Variants in STPG2 observed in about 807,000 individuals in gnomAD.
The protein encoded by STPG2 is sperm tail PG-rich repeat containing 2.
Under a neutral mutation model 54.2 loss-of-function variants are expected in STPG2, and 56 were observed. That is an observed-to-expected ratio of 1.03 (90% CI 0.83 to 1.29). The LOEUF is 1.29. Ranked by LOEUF, STPG2 falls within the 50% of genes most tolerant of loss-of-function variation. The pLI, the probability that STPG2 is intolerant of heterozygous loss-of-function variation, is 0.00. For synonymous variants in STPG2, 200 were observed against 181.8 expected (o/e 1.10, Z -0.81); for missense variants, 596 against 544.9 (o/e 1.09, Z -0.93).
intron 9 of STPG2, among the ~76,000 whole-genome samples, chr4:97,733,399 A>C (rs2149028383): frequency 6.6e-6 from 1 of 152,260 alleles, no homozygotes; most frequent in East Asian, 1.9e-4. Flanking sequence ...GAGTATGCAA[A>C]GTCATACAGA....
chr4:97,705,116 T>C (rs947811691), intron 10 of STPG2, among the ~76,000 whole-genome samples: 1 of 152,088 alleles, frequency 6.6e-6, no homozygotes, highest in African/African-American at 2.4e-5. Context: ...TCTACATATC[T>C]AATATCATTC....
At chr4:97,532,417 A>AT (rs1358214314) in intron 4 of STPG2, among the ~76,000 whole-genome samples, 2 of 152,090 alleles carry the variant, frequency 1.3e-5, no homozygotes, top group Non-Finnish European at 2.9e-5. Context: ...CTTTTCTTGG[A>AT]TTTTTTGACT....
intron 5 of STPG2, among the ~76,000 whole-genome samples, chr4:98,082,866 C>T (rs1363096826): frequency 6.6e-6 from 1 of 152,162 alleles, no homozygotes; most frequent in Admixed American, 6.5e-5. Context: ...AAAGCCCTTA[C>T]ATTGGCACAC....
intron 8 of STPG2, among the ~76,000 whole-genome samples, chr4:97,877,124 A>C (rs2149160974): frequency 6.6e-6 from 1 of 152,298 alleles, no homozygotes; most frequent in East Asian, 1.9e-4. Context: ...TTATTTTAGC[A>C]ATTTTGAAAT....
intron 10 of STPG2, among the ~76,000 whole-genome samples, chr4:97,694,564 T>G (rs948497513): frequency 6.6e-6 from 1 of 151,692 alleles, no homozygotes; most frequent in Non-Finnish European, 1.5e-5. Flanking sequence ...ATCCCAGCAC[T>G]TTGGGAGGCC....
intron 5 of STPG2, among the ~76,000 whole-genome samples, chr4:97,985,969 C>T (rs372244017): frequency 8.8e-5 from 11 of 124,308 alleles, no homozygotes; most frequent in Non-Finnish European, 1.7e-4. Flanking sequence ...CACACACACA[C>T]ATACACACAC....
chr4:97,470,295 A>G (rs1228189573), intron 4 of STPG2, among the ~76,000 whole-genome samples: 1 of 152,092 alleles, frequency 6.6e-6, no homozygotes. Flanking sequence ...CTGGAGGCAC[A>G]TTTGCCTTTC....
chr4:97,969,472 A>G (rs748689449), intron 7 of STPG2, among the ~76,000 whole-genome samples: 2 of 152,174 alleles, frequency 1.3e-5, no homozygotes, highest in Non-Finnish European at 2.9e-5. Context: ...CATTGGCAGC[A>G]TCACAGGACC....
chr4:97,669,514 C>CATCAAGTTTCA (rs1578467147), intron 10 of STPG2, among the ~76,000 whole-genome samples: 1 of 104,258 alleles, frequency 9.6e-6, no homozygotes. Flanking sequence ...AAGTTTATTG[C>CATCAAGTTTCA]GGCCGGGCGC....
intron 4 of STPG2, among the ~76,000 whole-genome samples, chr4:97,453,939 A>G (rs562690905): frequency 5.3e-5 from 8 of 152,230 alleles, no homozygotes; most frequent in Admixed American, 1.3e-4. Flanking sequence ...CTTTATGTAG[A>G]GCAGAGGAAA....
At chr4:97,687,830 T>A (rs1245437311) in intron 10 of STPG2, among the ~76,000 whole-genome samples, 2 of 152,134 alleles carry the variant, frequency 1.3e-5, no homozygotes, top group Non-Finnish European at 2.9e-5. Context: ...TCTAAATTAA[T>A]TTTTTGGAAG....
chr4:97,955,549 G>A (rs951039060), intron 7 of STPG2, among the ~76,000 whole-genome samples: 1 of 152,046 alleles, frequency 6.6e-6, no homozygotes, highest in Non-Finnish European at 1.5e-5. Flanking sequence ...TTCGAGGCAT[G>A]GTGAATAGTT....
intron 9 of STPG2, among the ~76,000 whole-genome samples, chr4:97,748,104 A>G (rs1725476471): frequency 6.6e-6 from 1 of 151,436 alleles, no homozygotes; most frequent in Middle Eastern, 3.2e-3. Context: ...CGGTGAAGTT[A>G]AAGGCCTCAG....
chr4:97,452,817 T>C (rs1418435387), intron 4 of STPG2, among the ~76,000 whole-genome samples: 3 of 152,070 alleles, frequency 2.0e-5, no homozygotes, highest in Admixed American at 2.0e-4. Context: ...CACTCCAGGG[T>C]CTTCTCTCTG....
intron 5 of STPG2, among the ~76,000 whole-genome samples, chr4:98,000,000 T>A (rs1339292739): frequency 1.3e-5 from 2 of 152,198 alleles, no homozygotes; most frequent in Non-Finnish European, 2.9e-5. Flanking sequence ...TATGTGGTTC[T>A]CAGTATTATA....
At chr4:97,634,039 G>A (rs997187460) in intron 10 of STPG2, among the ~76,000 whole-genome samples, 4 of 152,186 alleles carry the variant, frequency 2.6e-5, no homozygotes, top group African/African-American at 9.6e-5. Flanking sequence ...TCTGGGGGCA[G>A]GGCACAGACA....
intron 5 of STPG2, among the ~76,000 whole-genome samples, chr4:98,040,374 T>C (rs1262480806): frequency 6.6e-6 from 1 of 151,980 alleles, no homozygotes; most frequent in Non-Finnish European, 1.5e-5. Context: ...TTTAAGGTCT[T>C]AGTCATAAAT....
rs1726641638 is a variant in STPG2 at position 97,781,942 on chromosome 4, A to C, written c.1204+58831T>G. 2.6e-5 allele frequency among the ~76,000 whole-genome samples: 4 copies of C among 152,224 alleles called. No homozygotes were observed. In the South Asian group the frequency reaches 8.3e-4, roughly 32 times the overall value. On this transcript the variant is annotated intron_variant, in intron 9 of 10. Coordinates refer to ENST00000295268, the MANE Select transcript of STPG2 (RefSeq NM_174952.3). ...TTGATAGGCCGTATCTTAAAATAAT[A>C]AGAGCTATTTATAACAAACCCACAG... is the stretch of plus-strand genomic sequence containing the variant.
At chr4:98,119,669 T>A (rs1408851352) in intron 3 of STPG2, among the ~76,000 whole-genome samples, 2 of 152,024 alleles carry the variant, frequency 1.3e-5, no homozygotes, top group Non-Finnish European at 2.9e-5. Context: ...TAGGTAAACA[T>A]GTGCCATGGT....
Sources: gnomAD v4.1 joint callset for allele counts (sites outside exome capture counted in the v4.1 genomes callset) on GRCh38, gnomAD v4.1.1 for gene constraint, MANE v1.5 for transcripts, NCBI Gene and HGNC (gene_info 2026-07-23, HGNC 2026-07-21) for gene names.